NKAIN3: variants seen among roughly 807,000 people sequenced by gnomAD.
The protein encoded by NKAIN3 is sodium/potassium-transporting ATPase subunit beta-1-interacting protein 3.
A neutral mutation model predicts 30.2 loss-of-function variants in NKAIN3; 25 were observed. The observed-to-expected ratio is 0.83, with a 90% CI of 0.60 to 1.16. NKAIN3 has a LOEUF of 1.16. Ranked by LOEUF, NKAIN3 falls within the 50% of genes most tolerant of loss-of-function variation. The pLI is 0.00. For synonymous variants in NKAIN3, 91 were observed against 89.6 expected (o/e 1.02, Z -0.09); for missense variants, 225 against 254.1 (o/e 0.89, Z 0.78).
intron 1 of NKAIN3, among the ~76,000 whole-genome samples, chr8:62,534,941 C>T (rs1341539364): frequency 6.7e-6 from 1 of 150,322 alleles, no homozygotes; most frequent in African/African-American, 2.5e-5. Context: ...TGAGCAGCTT[C>T]CTGTGAAACA....
At chr8:62,925,397 A>G (rs1234818783) in intron 5 of NKAIN3, among the ~76,000 whole-genome samples, 1 of 152,222 alleles carries the variant, frequency 6.6e-6, no homozygotes, top group Admixed American at 6.5e-5. Context: ...TGATTAATTC[A>G]TAATAAGGTA....
At chr8:62,267,379 T>C (rs1218828320) in intron 1 of NKAIN3, among the ~76,000 whole-genome samples, 1 of 152,212 alleles carries the variant, frequency 6.6e-6, no homozygotes, top group East Asian at 1.9e-4. Flanking sequence ...CATGGTAAAA[T>C]TTCAGTGTTT....
At chr8:62,683,149 C>T (rs1242183436) in intron 3 of NKAIN3, among the ~76,000 whole-genome samples, 1 of 152,046 alleles carries the variant, frequency 6.6e-6, no homozygotes, top group Non-Finnish European at 1.5e-5. Context: ...TTCTCCTTCC[C>T]CAGCATCCTG....
intron 1 of NKAIN3, among the ~76,000 whole-genome samples, chr8:62,249,426 T>C (rs993450317): frequency 6.6e-6 from 1 of 152,092 alleles, no homozygotes; most frequent in Non-Finnish European, 1.5e-5. Context: ...GCCGGCGGAG[T>C]GAGGGATTTT....
At chr8:62,354,545 G>A (rs925060724) in intron 1 of NKAIN3, among the ~76,000 whole-genome samples, 2 of 152,140 alleles carry the variant, frequency 1.3e-5, no homozygotes, top group Non-Finnish European at 2.9e-5. Context: ...CCAGGTTCAA[G>A]TGATTCTCCT....
chr8:62,774,081 G>A (rs892327494), intron 4 of NKAIN3, among the ~76,000 whole-genome samples: 1 of 152,032 alleles, frequency 6.6e-6, no homozygotes, highest in Non-Finnish European at 1.5e-5. Flanking sequence ...TAAATTTTAT[G>A]CATCAGTGTT....
intron 4 of NKAIN3, among the ~76,000 whole-genome samples, chr8:62,757,855 AAG>A (rs1816505971): frequency 6.6e-6 from 1 of 152,196 alleles, no homozygotes; most frequent in Non-Finnish European, 1.5e-5. Flanking sequence ...ATGCCAAGTG[AAG>A]GCCTTGGGCC....
At chr8:62,442,491 A>C (rs2129598293) in intron 1 of NKAIN3, among the ~76,000 whole-genome samples, 1 of 152,124 alleles carries the variant, frequency 6.6e-6, no homozygotes, top group Non-Finnish European at 1.5e-5. Flanking sequence ...ACACTGAAAA[A>C]TAAGTATTAA....
intron 2 of NKAIN3, among the ~76,000 whole-genome samples, chr8:62,580,920 A>G (rs1810268918): frequency 1.4e-5 from 2 of 147,900 alleles, no homozygotes; most frequent in African/African-American, 4.9e-5. Context: ...ATATATATAT[A>G]TATATAGAAA....
At chr8:62,895,634 A>G (rs1419298097) in intron 4 of NKAIN3, among the ~76,000 whole-genome samples, 1 of 152,178 alleles carries the variant, frequency 6.6e-6, no homozygotes, top group African/African-American at 2.4e-5. Context: ...AAGTAATTCC[A>G]TATCCTAGGC....
chr8:62,394,761 C>T (rs79938731), intron 1 of NKAIN3, among the ~76,000 whole-genome samples: 55 of 148,388 alleles, frequency 3.7e-4, no homozygotes, highest in African/African-American at 1.2e-3. Context: ...TGGGCAGAGG[C>T]GCTCATCACT....
intron 4 of NKAIN3, among the ~76,000 whole-genome samples, chr8:62,763,221 C>CAAAAAAAAAAAAAAAA (rs55873861): frequency 8.5e-5 from 4 of 47,162 alleles, no homozygotes; most frequent in African/African-American, 2.4e-4. Flanking sequence ...GACTCCGTCT[C>CAAAAAAAAAAAAAAAA]AAAAAAAAAA....
intron 4 of NKAIN3, among the ~76,000 whole-genome samples, chr8:62,902,953 G>A (rs1821657676): frequency 6.6e-6 from 1 of 152,146 alleles, no homozygotes; most frequent in Admixed American, 6.6e-5. Flanking sequence ...GGGTAACATC[G>A]ATGTCCTCCA....
chr8:62,561,589 G>A (rs532695239), intron 1 of NKAIN3, among the ~76,000 whole-genome samples: 2 of 152,232 alleles, frequency 1.3e-5, no homozygotes, highest in South Asian at 2.1e-4. Context: ...AGGTCCTCAC[G>A]TTCGTTCCAA....
At chr8:62,313,733 G>GCCC (rs1814523886) in intron 1 of NKAIN3, among the ~76,000 whole-genome samples, 1 of 152,104 alleles carries the variant, frequency 6.6e-6, no homozygotes. Flanking sequence ...CAAAAACTGT[G>GCCC]TTATAAGAAT....
intron 4 of NKAIN3, among the ~76,000 whole-genome samples, chr8:62,888,582 C>A (rs1189823680): frequency 6.6e-6 from 1 of 152,208 alleles, no homozygotes; most frequent in Non-Finnish European, 1.5e-5. Flanking sequence ...CTCTGAGTAT[C>A]TAAGAAGAGT....
chr8:62,610,618 T>G (rs1811259031), intron 3 of NKAIN3, among the ~76,000 whole-genome samples: 1 of 152,100 alleles, frequency 6.6e-6, no homozygotes, highest in African/African-American at 2.4e-5. Flanking sequence ...CTGAGAAAAC[T>G]GAGACCTTGT....
intron 4 of NKAIN3, among the ~76,000 whole-genome samples, chr8:62,794,312 G>A (rs1173021790): frequency 1.3e-5 from 2 of 152,096 alleles, no homozygotes; most frequent in African/African-American, 2.4e-5. Context: ...TGAGACAAAT[G>A]TCATAGACAA....
At chr8:62,665,426 C>G (rs1039668587) in intron 3 of NKAIN3, among the ~76,000 whole-genome samples, 1 of 152,036 alleles carries the variant, frequency 6.6e-6, no homozygotes, top group Admixed American at 6.6e-5. Context: ...TTCCAAGCTG[C>G]TGGGAGAGGT....
Sources: allele counts gnomAD v4.1 joint callset (sites outside exome capture counted in the v4.1 genomes callset), GRCh38; gene constraint gnomAD v4.1.1; transcripts MANE v1.5; gene names NCBI Gene and HGNC (gene_info 2026-07-23, HGNC 2026-07-21).